Variants in ATL2 observed in about 807,000 individuals in gnomAD.
ATL2 encodes the protein atlastin-2.
A neutral mutation model predicts 73.9 loss-of-function variants in ATL2; 31 were observed. The observed-to-expected ratio is 0.42, with a 90% CI of 0.32 to 0.57. ATL2 has a LOEUF of 0.57. Among genes scored for constraint, ATL2 ranks in the 20% least tolerant of loss-of-function variants. The pLI is 0.14. For synonymous variants in ATL2, 291 were observed against 237.5 expected, an observed-to-expected ratio of 1.23 and a Z score of -2.07; for missense variants, 738 against 702.6, an observed-to-expected ratio of 1.05 and a Z score of -0.57.
chr2:38,349,215 C>A (rs1400471544), intron 1 of ATL2, among the ~76,000 whole-genome samples: 1 of 152,074 alleles, frequency 6.6e-6, no homozygotes, highest in African/African-American at 2.4e-5. Context: ...TATAAAGACA[C>A]ATGCACACGT....
chr2:38,358,679 G>A (rs1402343531), intron 1 of ATL2: 7 of 160,018 alleles, frequency 4.4e-5, no homozygotes, highest in South Asian at 1.3e-4. Flanking sequence ...GCGACAGAGC[G>A]AGACTCCGTC....
chr2:38,301,509 C>G (rs1667190009), intron 9 of ATL2, among the ~76,000 whole-genome samples: 1 of 152,232 alleles, frequency 6.6e-6, no homozygotes. Flanking sequence ...GAATCACCTA[C>G]ACCACCCCTC....
intron 1 of ATL2, among the ~76,000 whole-genome samples, chr2:38,370,929 G>A (rs1206409135): frequency 6.6e-6 from 1 of 151,390 alleles, no homozygotes; most frequent in Admixed American, 6.6e-5. Context: ...CTGCACTCCA[G>A]CCTGTGCAAC....
intron 1 of ATL2, among the ~76,000 whole-genome samples, chr2:38,362,781 G>C (rs1402982614): frequency 6.6e-6 from 1 of 152,212 alleles, no homozygotes; most frequent in Non-Finnish European, 1.5e-5. Context: ...GAAAACATAT[G>C]TGTGATGTCA....
intron 2 of ATL2, among the ~76,000 whole-genome samples, chr2:38,322,491 G>C (rs188203163): frequency 2.6e-5 from 4 of 152,180 alleles, no homozygotes; most frequent in Admixed American, 2.0e-4. Flanking sequence ...GAAGAAATAT[G>C]ATCTTTGTTA....
chr2:38,373,068 C>T (rs1671773439), intron 1 of ATL2, among the ~76,000 whole-genome samples: 1 of 151,880 alleles, frequency 6.6e-6, no homozygotes, highest in Non-Finnish European at 1.5e-5. Context: ...CTACAAAACA[C>T]TTGCACCCTA....
chr2:38,309,600 T>C, intron 8 of ATL2, 94 bp from the exon 9 acceptor site: 4 of 1,260,428 alleles, frequency 3.2e-6, no homozygotes, highest in Non-Finnish European at 3.3e-6. Context: ...GAAATAAGAA[T>C]ACATAGTATC....
intron 12 of ATL2, 34 bp downstream of exon 12, chr2:38,298,110 T>G (rs1232932868): frequency 6.5e-7 from 1 of 1,542,558 alleles, no homozygotes; most frequent in African/African-American, 1.4e-5. Context: ...GAAAATAAGA[T>G]TAGTCACTAA....
rs200811900 is a variant in ATL2, at chr2:38,302,595, G to A, written c.1072-2267C>T. On this transcript the variant is annotated intron_variant, in intron 9 of 12. Transcript: ENST00000378954. ...GGTGCTTGTGTCACCCCCTCCCCCA[G>A]CTCCAGGCAGCTCAGCACAGAGACA... 2.0e-5 allele frequency among the ~76,000 whole-genome samples: 3 copies of A among 152,258 alleles called. No individual in the cohort carries two copies. The South Asian group carries it at 6.2e-4, about 32-fold the overall frequency.
chr2:38,329,610 C>A (rs1668868928), intron 2 of ATL2, among the ~76,000 whole-genome samples: 1 of 151,464 alleles, frequency 6.6e-6, no homozygotes, highest in Non-Finnish European at 1.5e-5. Flanking sequence ...AAAGTATTAC[C>A]CTAATACCAA....
At position 38,296,074 on chromosome 2, in the gene ATL2, T is replaced by C. The variant is rs1213494623; in HGVS notation, c.1672A>G (p.Ile558Val). 6 of 1,551,500 alleles carry C rather than the reference T, an allele frequency of 3.9e-6. No individual in the cohort carries two copies. Among genetic ancestry groups the C allele is most frequent in the South Asian group, 2.4e-5 (2 of 84,056 alleles). ...PLGDNLMEEN[I>V]RQSVTNSIKA... ...ATAGAGTTTGTTACAGACTGCCTTA[T>C]GTTTTCCTCCATCAAATTATCACCC... Residue 558 changes from isoleucine to valine, a missense_variant, in exon 13 of 13, where the codon ATA (isoleucine) becomes GTA (valine). Transcript: ENST00000378954.
At position 38,376,261 on chromosome 2, in the gene ATL2, T is replaced by G. The variant is rs549867472; in HGVS notation, c.118+882A>C. On this transcript the variant is annotated intron_variant, in intron 1 of 12. Coordinates refer to ENST00000378954, the MANE Select transcript of ATL2 (RefSeq NM_001135673.4). ...CGCTAAACTCCTATAAATAGGGGTG[T>G]TATGAGTGAGAGGGATACACTGCGC... 7.8e-6 allele frequency: 11 copies of G among 1,411,574 alleles called. No homozygotes were observed. The South Asian group carries it at 1.7e-4, about 22-fold the overall frequency. 87.4% of individuals were successfully genotyped at this position (1,411,574 alleles called of 1,614,324 possible).
intron 1 of ATL2, chr2:38,376,362 A>G: frequency 1.3e-6 from 1 of 755,862 alleles, no homozygotes; most frequent in Non-Finnish European, 1.9e-6. Context: ...ATTCAGCAAA[A>G]CCAGGGAGCC....
chr2:38,358,161 T>C (rs980993598), intron 1 of ATL2, among the ~76,000 whole-genome samples: 3 of 152,130 alleles, frequency 2.0e-5, no homozygotes, highest in Non-Finnish European at 4.4e-5. Context: ...TTCACAAGTG[T>C]TTAGGATGTA....
intron 2 of ATL2, among the ~76,000 whole-genome samples, chr2:38,336,009 C>CT (rs2148471785): frequency 6.6e-6 from 1 of 152,340 alleles, no homozygotes; most frequent in East Asian, 1.9e-4. Flanking sequence ...CAGCGAGACT[C>CT]TGTCTCTAAA....
In ATL2 at chr2:38,298,174, A is replaced by T; in HGVS notation, c.1602T>A (p.Ile534=). The T allele has an allele frequency of 6.2e-7, 1 of 1,613,692 alleles. No homozygotes were observed. The highest frequency in any genetic ancestry group is 1.7e-5 in the Admixed American group (1 of 59,986). The change falls in exon 12 of 13, where the codon ATT becomes ATA. Residue 534 remains isoleucine (I), a synonymous_variant. Transcript: ENST00000378954. ...SGEFREIGTV[I]DQIAETLWEQ... ...CCCATAGTGTTTCAGCAATCTGATC[A>T]ATCACTGTTCCAATTTCTCTGAACT... is the stretch of plus-strand genomic sequence containing the variant.
At chr2:38,343,623 T>C (rs1669857976) in intron 1 of ATL2, 111 bp from the exon 2 acceptor site, 3 of 879,722 alleles carry the variant, frequency 3.4e-6, no homozygotes, top group Admixed American at 2.6e-5. Context: ...CCTCCCCCCA[T>C]TATAGATCAT....
chr2:38,328,894 T>C (rs1668817572), intron 2 of ATL2, among the ~76,000 whole-genome samples: 1 of 149,668 alleles, frequency 6.7e-6, no homozygotes, highest in South Asian at 2.1e-4. Context: ...AAAAAACTGA[T>C]CCTTCAAAAA....
chr2:38,365,527 A>C (rs1438277651), intron 1 of ATL2, among the ~76,000 whole-genome samples: 1 of 152,144 alleles, frequency 6.6e-6, no homozygotes, highest in Non-Finnish European at 1.5e-5. Context: ...GCAGTGACTC[A>C]CACCTGTAAT....
Sources: gnomAD v4.1 joint callset for allele counts (sites outside exome capture counted in the v4.1 genomes callset) on GRCh38, gnomAD v4.1.1 for gene constraint, MANE v1.5 for transcripts, NCBI Gene and HGNC (gene_info 2026-07-23, HGNC 2026-07-21) for gene names.